Variants in GPATCH1 observed in about 807,000 individuals in gnomAD.
GPATCH1 encodes the protein G-patch domain containing 1.
GPATCH1 carries 73 observed loss-of-function variants against 114.9 expected under a neutral mutation model. That is an observed-to-expected ratio of 0.64 (90% CI 0.53 to 0.77). GPATCH1 has a LOEUF of 0.77. Among genes scored for constraint, GPATCH1 ranks in the 30% least tolerant of loss-of-function variants. GPATCH1 has a pLI of 0.00. For synonymous variants in GPATCH1, 391 were observed against 428.4 expected, an observed-to-expected ratio of 0.91 and a Z score of 1.08; for missense variants, 1,058 against 1,144.3, an observed-to-expected ratio of 0.92 and a Z score of 1.09.
chr19:33,093,836 C>G (rs1253199821), intron 4 of GPATCH1, among the ~76,000 whole-genome samples: 1 of 152,208 alleles, frequency 6.6e-6, no homozygotes, highest in Non-Finnish European at 1.5e-5. Context: ...TTCTGTGTAT[C>G]TCCTTGTGCT....
At chr19:33,088,675 G>C (rs1326476173) in intron 2 of GPATCH1, among the ~76,000 whole-genome samples, 1 of 40,102 alleles carries the variant, frequency 2.5e-5, no homozygotes, top group East Asian at 9.0e-4. Flanking sequence ...TTTTTTTTTT[G>C]CGATGGAGTC....
Position 33,119,076 on chromosome 19 carries a change from G to C in GPATCH1, c.2480G>C (p.Arg827Thr). ...FPIQKMQIDE[R>T]EEFGPRLPPV... ...ATACAAAAGATGCAGATAGATGAAA[G>C]AGAAGAGTTCGGCCCGCGGCTGCCT... is the stretch of plus-strand genomic sequence containing the variant. The change falls in exon 17 of 20, where the codon AGA (arginine) becomes ACA (threonine). Residue 827 changes from arginine (R) to threonine (T), a missense_variant. By Grantham distance (71) the Arg-to-Thr change is moderately conservative (BLOSUM62 -1). This residue lies in a region of GPATCH1 where 893 missense variants were observed against 977.4 expected (regional missense o/e 0.91). Transcript: ENST00000170564. 1 of 1,613,366 alleles carries C rather than the reference G, an allele frequency of 6.2e-7. No homozygotes were observed. Among genetic ancestry groups the C allele is most frequent in the Non-Finnish European group, 8.5e-7 (1 of 1,179,734 alleles).
At position 33,088,258 on chromosome 19, in the gene GPATCH1, C is replaced by T. The variant is rs775966991; in HGVS notation, c.198C>T (p.Gly66=). The T allele has an allele frequency of 1.3e-6, 2 of 1,598,448 alleles. No individual in the cohort carries two copies. The highest frequency in any genetic ancestry group is 1.4e-5 in the African/African-American group (1 of 73,808). The change falls in exon 2 of 20, where the codon GGC becomes GGT. Residue 66 remains glycine, a synonymous_variant. Transcript: ENST00000170564. The stretch of plus-strand genomic sequence containing the variant: ...CTGCTGGATACTTCAATACTGTTGG[C>T]TCAAAAGAAGGTATCATTTTCCTAA... The part of the protein sequence containing the change: ...GFSAGYFNTV[G]SKEGWTPSTF...
intron 10 of GPATCH1, among the ~76,000 whole-genome samples, chr19:33,107,590 G>A (rs1054394856): frequency 6.6e-6 from 1 of 152,202 alleles, no homozygotes; most frequent in Non-Finnish European, 1.5e-5. Context: ...GAAAGACATG[G>A]AGAATCCCCT....
At chr19:33,121,260 C>T (rs1320842795) in intron 17 of GPATCH1, among the ~76,000 whole-genome samples, 2 of 151,028 alleles carry the variant, frequency 1.3e-5, no homozygotes, top group Non-Finnish European at 1.5e-5. Context: ...GAATTACAAG[C>T]GTGAACCACT....
intron 1 of GPATCH1, among the ~76,000 whole-genome samples, chr19:33,082,669 CTCTG>C (rs1397454803): frequency 1.3e-5 from 2 of 152,238 alleles, no homozygotes; most frequent in African/African-American, 4.8e-5. Context: ...TGTAGTGAGA[CTCTG>C]TCTGTAACAA....
At chr19:33,095,708 G>T (rs1972649693) in intron 5 of GPATCH1, 54 bp from the exon 6 acceptor site, 1 of 1,262,086 alleles carries the variant, frequency 7.9e-7, no homozygotes, top group Admixed American at 1.7e-5. Flanking sequence ...GGCCTGGTCG[G>T]GGTTTTCTAT....
In GPATCH1 at chr19:33,125,167, A is replaced by G. The variant is rs199872310; in HGVS notation, c.2584A>G (p.Lys862Glu). The part of the protein sequence containing the change: ...EKHKKNKDKH[K>E]AKKEHRRKKE... ...ACATAAAAAGAACAAAGACAAGCAC[A>G]AGGCCAAGAAAGAGCACAGGCGGAA... is the stretch of plus-strand genomic sequence containing the variant. Residue 862 changes from lysine (K) to glutamate (E), a missense_variant, in exon 18 of 20, where the codon AAG becomes GAG. Coordinates refer to ENST00000170564, the MANE Select transcript of GPATCH1 (RefSeq NM_018025.3). 2.5e-6 allele frequency: 4 copies of G among 1,596,942 alleles called. No homozygotes were observed. In the African/African-American group the frequency reaches 5.4e-5, roughly 22 times the overall value.
chr19:33,130,062 C>T, intron 19 of GPATCH1, 68 bp from the exon 20 acceptor site: 1 of 1,204,986 alleles, frequency 8.3e-7, no homozygotes, highest in Non-Finnish European at 1.2e-6. Context: ...TTCTCAGCCT[C>T]CACGGAGCTG....
rs558510952 is a variant in GPATCH1 at position 33,127,385 on chromosome 19, G to A, written c.2765+652G>A. ...TACAAAAATTAGCTGGGCGTGGAGC[G>A]TGTGCCTGTAGTTCCAGCTGCTGGG... On this transcript the variant is annotated intron_variant, in intron 19 of 19. Transcript: ENST00000170564. Among the ~76,000 whole-genome samples the A allele has an allele frequency of 2.3e-4, 35 of 151,788 alleles. No individual in the cohort carries two copies. In the South Asian group the frequency reaches 6.4e-3, roughly 28 times the overall value.
chr19:33,114,220 T>C, intron 14 of GPATCH1, 33 bp from the exon 15 acceptor site: 2 of 1,572,160 alleles, frequency 1.3e-6, no homozygotes, highest in South Asian at 1.1e-5. Flanking sequence ...TCCTTGCTAA[T>C]GCTGGAGTTT....
In GPATCH1 at chr19:33,105,874, C is replaced by T. The variant is rs116355657; in HGVS notation, c.1081-821C>T. Among the ~76,000 whole-genome samples, 817 of 150,882 alleles carry T rather than the reference C, an allele frequency of 5.4e-3. 4 individuals carry two copies. Among genetic ancestry groups the T allele is most frequent in the African/African-American group, 0.019 (768 of 41,098 alleles). On this transcript the variant is annotated intron_variant, in intron 9 of 19. Coordinates refer to ENST00000170564, the MANE Select transcript of GPATCH1 (RefSeq NM_018025.3). ...TTTTTTTTTGTTTGAGACGGAGTCT[C>T]GCTCTGTTTCAGCTCTGCACCGGGG...
Position 33,094,237 on chromosome 19 carries a change from G to A in GPATCH1, c.521G>A (p.Arg174Gln), listed in dbSNP as rs1366170711. Residue 174 changes from arginine (R) to glutamine (Q), a missense_variant, in exon 5 of 20, where the codon CGA becomes CAA. Arg to Gln is a conservative substitution (Grantham distance 43, BLOSUM62 1). Coordinates refer to ENST00000170564, the MANE Select transcript of GPATCH1 (RefSeq NM_018025.3). ...AAAGAAGGACAAGGAGTTGGTCCTC[G>A]AGTAAAGAGACGGCCACGCCGACAG... is the stretch of plus-strand genomic sequence containing the variant. Reference protein sequence around the residue: ...GWKEGQGVGPRVKRRPRRQKP... With the variant: ...GWKEGQGVGPQVKRRPRRQKP... 9 of 1,607,200 alleles carry A rather than the reference G, an allele frequency of 5.6e-6. No individual in the cohort carries two copies. Among genetic ancestry groups the A allele is most frequent in the Admixed American group, 3.3e-5 (2 of 59,990 alleles).
intron 2 of GPATCH1, among the ~76,000 whole-genome samples, chr19:33,089,544 C>T (rs558308011): frequency 9.9e-5 from 15 of 152,060 alleles, no homozygotes; most frequent in African/African-American, 3.4e-4. Flanking sequence ...ATATGTGCTG[C>T]CATAGTGAGC....
chr19:33,090,912 T>C (rs1384278708), intron 3 of GPATCH1, 47 bp downstream of exon 3: 1 of 1,210,526 alleles, frequency 8.3e-7, no homozygotes, highest in Non-Finnish European at 1.2e-6. Context: ...GGGACAGGTC[T>C]AGTTGGTTGC....
At chr19:33,124,196 A>G (rs1973016001) in intron 17 of GPATCH1, among the ~76,000 whole-genome samples, 1 of 151,838 alleles carries the variant, frequency 6.6e-6, no homozygotes. Context: ...AATGCCTTTC[A>G]CTGCTTCTAC....
chr19:33,119,559 G>T (rs1004079947), intron 17 of GPATCH1, among the ~76,000 whole-genome samples: 1 of 151,948 alleles, frequency 6.6e-6, no homozygotes, highest in African/African-American at 2.4e-5. Context: ...TTACCTGGGC[G>T]TAGTGACGCA....
Position 33,111,812 on chromosome 19 carries a change from C to G in GPATCH1, c.1674C>G (p.Tyr558Ter). ...RDEFARAALL[Y>*]ASSHSTLSSR... ...AGTTTGCCCGGGCGGCCCTGCTGTA[C>G]GCATCTTCCCATTCGACCTTGTCCT... Residue 558 changes from tyrosine (Y) to a stop codon, truncating the protein, a stop_gained, in exon 12 of 20, where the codon TAC (tyrosine) becomes TAG (stop). Coordinates refer to ENST00000170564, the MANE Select transcript of GPATCH1 (RefSeq NM_018025.3). LOFTEE classifies it high-confidence loss of function. 2 of 1,614,046 alleles carry G rather than the reference C, an allele frequency of 1.2e-6. No individual in the cohort carries two copies. Among genetic ancestry groups the G allele is most frequent in the Non-Finnish European group, 1.7e-6 (2 of 1,179,922 alleles).
At chr19:33,121,619 G>A (rs1043535942) in intron 17 of GPATCH1, among the ~76,000 whole-genome samples, 9 of 151,910 alleles carry the variant, frequency 5.9e-5, no homozygotes, top group Non-Finnish European at 1.2e-4. Context: ...GCACCCGGCC[G>A]CCAAGTCTCC....
Sources: allele counts gnomAD v4.1 joint callset (sites outside exome capture counted in the v4.1 genomes callset), GRCh38; gene constraint gnomAD v4.1.1; regional missense constraint gnomAD v4.1.1; transcripts MANE v1.5; gene names NCBI Gene and HGNC (gene_info 2026-07-23, HGNC 2026-07-21).